ARL14EP: variants seen among roughly 807,000 people sequenced by gnomAD.
The protein encoded by ARL14EP is ARF like GTPase 14 effector protein, also known as ARL14 effector protein.
A neutral mutation model predicts 23.1 loss-of-function variants in ARL14EP; 12 were observed. That is an observed-to-expected ratio of 0.52 (90% CI 0.33 to 0.84). The LOEUF (loss-of-function observed/expected upper bound fraction) is 0.84, where lower values mean the gene tolerates loss of function less well. ARL14EP is among the 40% of genes least tolerant of loss of function. The probability of loss-of-function intolerance (pLI) is 0.02; values close to 1 mark genes in which losing one functional copy is unlikely to be tolerated. For missense variants in ARL14EP, 253 were observed against 307.3 expected (o/e 0.82, Z 1.32); for synonymous variants, 97 against 102.0 (o/e 0.95, Z 0.29).
In ARL14EP at chr11:30,330,884, A is replaced by G. The variant is rs925671354; in HGVS notation, c.-63-2A>G. ...TTTGATTCTCTTTAATATTTTCTCT[A>G]GGGTGATCAGCCCATGACCTAAACC... is the stretch of plus-strand genomic sequence containing the variant. On this transcript the variant is annotated splice_acceptor_variant, in intron 1 of 3. Coordinates refer to ENST00000282032, the MANE Select transcript of ARL14EP (RefSeq NM_152316.3). LOFTEE classifies it low-confidence loss of function (5UTR_SPLICE). 6 of 1,466,462 alleles carry G rather than the reference A, an allele frequency of 4.1e-6. No homozygotes were observed. The highest frequency in any genetic ancestry group is 1.4e-5 in the African/African-American group (1 of 70,998). The allele number at this position is 1,466,462 out of a possible 1,614,324, so 90.8% of individuals were successfully genotyped here.
intron 1 of ARL14EP, among the ~76,000 whole-genome samples, chr11:30,327,412 C>T (rs1285683251): frequency 6.6e-6 from 1 of 152,128 alleles, no homozygotes; most frequent in Non-Finnish European, 1.5e-5. Context: ...TGTATTATTA[C>T]TATGGACAGA....
At chr11:30,332,376 A>G (rs965851855) in intron 2 of ARL14EP, among the ~76,000 whole-genome samples, 2 of 151,886 alleles carry the variant, frequency 1.3e-5, no homozygotes, top group East Asian at 1.9e-4. Context: ...TTCCTCCCCA[A>G]ATAACAAACA....
rs760151467 is a variant in ARL14EP, at chr11:30,331,377, A to G, written c.426+3A>G. On this transcript the variant is annotated splice_donor_region_variant and intron_variant, in intron 2 of 3. Transcript: ENST00000282032. The stretch of plus-strand genomic sequence containing the variant: ...AGAAAAGGAAACCTGAGTCAGATGT[A>G]TGTGTAATAGTCATTTTTTTCTACA... 55 of 1,613,756 alleles carry G rather than the reference A, an allele frequency of 3.4e-5. No homozygotes were observed. Among genetic ancestry groups the G allele is most frequent in the Non-Finnish European group, 4.5e-5 (53 of 1,179,840 alleles).
intron 3 of ARL14EP, among the ~76,000 whole-genome samples, chr11:30,333,568 G>A (rs1405857502): frequency 1.3e-5 from 2 of 152,100 alleles, no homozygotes; most frequent in East Asian, 1.9e-4. Context: ...GAACTTAGTC[G>A]ATAAATGCTG....
intron 3 of ARL14EP, among the ~76,000 whole-genome samples, chr11:30,333,327 ATTC>A (rs1337831479): frequency 6.6e-6 from 1 of 152,092 alleles, no homozygotes; most frequent in Non-Finnish European, 1.5e-5. Context: ...GCTTCACTTT[ATTC>A]TTTACAAGGT....
Position 30,336,801 on chromosome 11 carries a change from G to A in ARL14EP, c.*6G>A, listed in dbSNP as rs199587403. 1.1e-5 allele frequency: 18 copies of A among 1,607,196 alleles called. No homozygotes were observed. The highest frequency in any genetic ancestry group is 8.3e-5 in the Admixed American group (5 of 60,000). ...ATAATAAACATGCTGGATAATCTGC[G>A]GTACCAAACTATGGAGCCTTTAAAG... On this transcript the variant is annotated 3_prime_UTR_variant, in exon 4 of 4. Coordinates refer to ENST00000282032, the MANE Select transcript of ARL14EP (RefSeq NM_152316.3).
intron 1 of ARL14EP, among the ~76,000 whole-genome samples, chr11:30,324,927 C>T (rs540988549): frequency 7.0e-4 from 107 of 152,240 alleles, no homozygotes; most frequent in African/African-American, 2.4e-3. Flanking sequence ...TATTTAGGCA[C>T]TAAAGTAAAG....
intron 1 of ARL14EP, among the ~76,000 whole-genome samples, chr11:30,327,551 G>C (rs949298812): frequency 1.2e-4 from 19 of 152,188 alleles, no homozygotes; most frequent in African/African-American, 4.1e-4. Flanking sequence ...TAGATCTGTG[G>C]CTAAAAACTG....
chr11:30,333,625 C>T (rs80206649), intron 3 of ARL14EP, among the ~76,000 whole-genome samples: 4,004 of 152,250 alleles, frequency 0.026, 189 homozygotes, highest in African/African-American at 0.091. Context: ...TAGACTCTCT[C>T]CCTCTCCTCA....
At chr11:30,332,764 T>C (rs1947295465) in intron 2 of ARL14EP, 102 bp from the exon 3 acceptor site, 2 of 1,421,410 alleles carry the variant, frequency 1.4e-6, no homozygotes, top group Non-Finnish European at 9.7e-7. Flanking sequence ...TGTTCCAGAC[T>C]GTCTTCCATG....
At chr11:30,336,364 TC>T (rs1947331856) in intron 3 of ARL14EP, among the ~76,000 whole-genome samples, 1 of 64,174 alleles carries the variant, frequency 1.6e-5, no homozygotes. Flanking sequence ...GTCTCAACAC[TC>T]TATAGAGTTA....
chr11:30,336,593 T>G lies in ARL14EP; in HGVS notation c.581T>G (p.Val194Gly), dbSNP rs1947334202. The change falls in exon 4 of 4, where the codon GTC (valine) becomes GGC (glycine). Residue 194 changes from valine to glycine, a missense_variant. Physicochemically the swap from Val to Gly is moderately radical, Grantham distance 109. Transcript: ENST00000282032. ...CAAGTGATACCAGCAAAGAGTAAGGTCTATGATAGCCAGGGTCTCCTGATT... is the reference window on the plus strand; with the variant it reads ...CAAGTGATACCAGCAAAGAGTAAGGGCTATGATAGCCAGGGTCTCCTGATT... ...DRQVIPAKSK[V>G]YDSQGLLIFS... is the part of the protein sequence containing the mutation. 6.2e-7 allele frequency: 1 copy of G among 1,613,798 alleles called. No homozygotes were observed.
chr11:30,331,018 C>T lies in ARL14EP; in HGVS notation c.70C>T (p.Arg24Cys), dbSNP rs375725496. The change falls in exon 2 of 4, where the codon CGT becomes TGT. Residue 24 changes from arginine (R) to cysteine (C), a missense_variant. Coordinates refer to ENST00000282032, the MANE Select transcript of ARL14EP (RefSeq NM_152316.3). ...TNECHKTYYT[R>C]HTGFKTLQEL... is the part of the protein sequence containing the mutation. ...TGAGTGCCATAAAACCTACTATACT[C>T]GTCACACAGGTTTTAAGACTTTGCA... 54 of 1,613,666 alleles carry T rather than the reference C, an allele frequency of 3.3e-5. No homozygotes were observed. Among genetic ancestry groups the T allele is most frequent in the Middle Eastern group, 1.6e-4 (1 of 6,080 alleles).
At chr11:30,329,131 T>C (rs1274258237) in intron 1 of ARL14EP, 5 of 152,188 alleles carry the variant, frequency 3.3e-5, no homozygotes, top group Admixed American at 6.5e-5. Context: ...GTTACTCTTA[T>C]GTATATTTTA....
intron 1 of ARL14EP, among the ~76,000 whole-genome samples, chr11:30,327,479 G>T (rs1242243737): frequency 6.6e-6 from 1 of 152,112 alleles, no homozygotes; most frequent in Non-Finnish European, 1.5e-5. Context: ...TATCAAATAT[G>T]ACCATGGTAG....
intron 3 of ARL14EP, among the ~76,000 whole-genome samples, chr11:30,334,461 A>T (rs1036902416): frequency 3.9e-5 from 6 of 151,982 alleles, no homozygotes; most frequent in African/African-American, 7.2e-5. Flanking sequence ...TGATCTGCCC[A>T]CCTTGGCCTC....
chr11:30,329,355 A>G (rs1439156910), intron 1 of ARL14EP: 1 of 152,102 alleles, frequency 6.6e-6, no homozygotes, highest in Non-Finnish European at 1.5e-5. Context: ...ATCCTTTACA[A>G]TTAGGTTATT....
At chr11:30,323,903 C>A (rs1181192518) in intron 1 of ARL14EP, among the ~76,000 whole-genome samples, 1 of 152,236 alleles carries the variant, frequency 6.6e-6, no homozygotes, top group Non-Finnish European at 1.5e-5. Context: ...CTGTACCTGG[C>A]ATGTCCTGAC....
Position 30,338,205 on chromosome 11 carries a change from TA to T in ARL14EP, c.*1416del, listed in dbSNP as rs1355401945. On this transcript the variant is annotated 3_prime_UTR_variant, in exon 4 of 4. Transcript: ENST00000282032. ...TTTCTCTTCTCCCCACTTATTCAAA[TA>T]AAAAAGTTTTAATACTATAAACTTT... is the stretch of plus-strand genomic sequence containing the variant. 1 of 152,206 alleles carries T rather than the reference TA, an allele frequency of 6.6e-6. No individual in the cohort carries two copies. Among genetic ancestry groups the T allele is most frequent in the Non-Finnish European group, 1.5e-5 (1 of 68,018 alleles). The allele number at this position is 152,206 out of a possible 1,614,324, so 9.4% of individuals were successfully genotyped here. A position where few individuals can be genotyped will look rare whatever the true frequency, so the allele number is the denominator to read the frequency against.
Sources: allele counts gnomAD v4.1 joint callset (sites outside exome capture counted in the v4.1 genomes callset), GRCh38; gene constraint gnomAD v4.1.1; transcripts MANE v1.5; gene names NCBI Gene and HGNC (gene_info 2026-07-23, HGNC 2026-07-21).